WDR62: variants seen among roughly 807,000 people sequenced by gnomAD.
The protein encoded by WDR62 is WD repeat domain 62.
WDR62 carries 112 observed loss-of-function variants against 160.6 expected under a neutral mutation model. The ratio of observed to expected loss-of-function variants is 0.70; its 90% confidence interval spans 0.60 to 0.82. The LOEUF is 0.82. Among genes scored for constraint, WDR62 ranks in the 40% least tolerant of loss-of-function variants. WDR62 has a pLI of 0.00. For synonymous variants in WDR62, 792 were observed against 815.1 expected (o/e 0.97, Z 0.48); for missense variants, 1,819 against 1,983.8 (o/e 0.92, Z 1.58).
intron 12 of WDR62, among the ~76,000 whole-genome samples, chr19:36,086,178 C>G (rs566384170): frequency 6.6e-6 from 1 of 152,078 alleles, no homozygotes; most frequent in African/African-American, 2.4e-5. Context: ...TCCTGATCTC[C>G]CCTCTGCCTC....
At chr19:36,086,951 G>C in intron 13 of WDR62, 139 bp downstream of exon 13, 2 of 1,318,108 alleles carry the variant, frequency 1.5e-6, no homozygotes, top group Non-Finnish European at 2.1e-6. Context: ...ATAATGACTG[G>C]GGCCGGGTGT....
At chr19:36,069,410 C>T (rs1383763338) in intron 7 of WDR62, among the ~76,000 whole-genome samples, 4 of 150,688 alleles carry the variant, frequency 2.7e-5, no homozygotes, top group South Asian at 2.1e-4. Context: ...GGGGCAGAGG[C>T]GCTCCCCGCA....
the WDR62 span, among the ~76,000 whole-genome samples, chr19:36,110,306 A>G: frequency 6.6e-6 from 1 of 151,952 alleles, no homozygotes; most frequent in Admixed American, 6.6e-5. Flanking sequence ...CTCTGTCTCT[A>G]CCAAAAATAC....
chr19:36,096,714 AAAAG>A (rs890526791), intron 20 of WDR62, among the ~76,000 whole-genome samples: 5 of 151,570 alleles, frequency 3.3e-5, no homozygotes, highest in Admixed American at 1.3e-4. Flanking sequence ...CCGTCTCAAA[AAAAG>A]AAAAAAAAAG....
At position 36,065,971 on chromosome 19, in the gene WDR62, G is replaced by A. The variant is rs1409711656; in HGVS notation, c.346G>A (p.Ala116Thr). The A allele has an allele frequency of 1.2e-6, 2 of 1,614,194 alleles. No homozygotes were observed. The highest frequency in any genetic ancestry group is 3.3e-5 in the Admixed American group (2 of 60,022). Reference protein sequence around the residue: ...IFNTARKSLSALAFSPDGKYI... With the variant: ...IFNTARKSLSTLAFSPDGKYI... ...CTTTATCCCCAGGAAGTCTCTCAGTGCTCTGGCCTTCTCCCCTGATGGGAA... is the reference window on the plus strand; with the variant it reads ...CTTTATCCCCAGGAAGTCTCTCAGTACTCTGGCCTTCTCCCCTGATGGGAA... The change falls in exon 4 of 32, where the codon GCT (alanine) becomes ACT (threonine). Residue 116 changes from alanine (A) to threonine (T), a missense_variant. Transcript: ENST00000401500.
Position 36,101,266 on chromosome 19 carries a change from T to TA in WDR62, c.2920_2921insA (p.Ser974TyrfsTer17). ...CGGGCCTGGAGACCAGCAGGGCGAC[T>TA]CCTACCTCAGGGTGTCCTCCGACAG... On this transcript the variant is annotated frameshift_variant, in exon 24 of 32. Transcript: ENST00000401500. LOFTEE classifies it high-confidence loss of function. 1 of 1,613,144 alleles carries TA rather than the reference T, an allele frequency of 6.2e-7. No homozygotes were observed. The highest frequency in any genetic ancestry group is 1.3e-5 in the African/African-American group (1 of 75,028).
chr19:36,096,931 G>T, intron 20 of WDR62, 96 bp from the exon 21 acceptor site: 1 of 1,116,356 alleles, frequency 9.0e-7, no homozygotes, highest in Admixed American at 2.0e-5. Context: ...CTGACTTCTG[G>T]GTTGTGGTGT....
chr19:36,091,563 A>G (rs1462061755), intron 18 of WDR62, 98 bp downstream of exon 18: 3 of 1,228,558 alleles, frequency 2.4e-6, no homozygotes, highest in African/African-American at 1.5e-5. Flanking sequence ...CCCAGTTTGG[A>G]TTGTGGGAGT....
Position 36,099,413 on chromosome 19 carries a change from T to C in WDR62, c.2535T>C (p.Asp845=). ...LWAKRLLGDD[D]VADGLAFHAK... ...TATCCTTCAAGCTAGGGGACGATGA[T>C]GTGGCAGATGGCTTGGCCTTCCACG... is the stretch of plus-strand genomic sequence containing the variant. The change falls in exon 22 of 32, where the codon GAT becomes GAC. Residue 845 remains aspartate, a synonymous_variant. Transcript: ENST00000401500. The C allele has an allele frequency of 6.2e-7, 1 of 1,613,626 alleles. No individual in the cohort carries two copies.
intron 13 of WDR62, among the ~76,000 whole-genome samples, chr19:36,087,736 T>C (rs994870556): frequency 1.3e-5 from 2 of 151,974 alleles, no homozygotes; most frequent in African/African-American, 4.8e-5. Context: ...GGAGAATAGC[T>C]TGAATCCAGG....
At chr19:36,084,496 G>T (rs1281645441) in intron 11 of WDR62, among the ~76,000 whole-genome samples, 157 bp from the exon 12 acceptor site, 1 of 152,160 alleles carries the variant, frequency 6.6e-6, no homozygotes, top group Non-Finnish European at 1.5e-5. Flanking sequence ...ACGATGGCAG[G>T]TTTCTAAATG....
intron 6 of WDR62, 137 bp from the exon 7 acceptor site, chr19:36,067,691 C>T: frequency 1.8e-6 from 2 of 1,111,800 alleles, no homozygotes; most frequent in South Asian, 1.3e-5. Context: ...TCCAGAGTGG[C>T]AGGGTTCTAG....
chr19:36,101,220 T>G lies in WDR62; in HGVS notation c.2874T>G (p.Tyr958Ter). The G allele has an allele frequency of 1.2e-6, 2 of 1,612,374 alleles. No homozygotes were observed. Among genetic ancestry groups the G allele is most frequent in the Non-Finnish European group, 8.5e-7 (1 of 1,179,540 alleles). The stretch of plus-strand genomic sequence containing the variant: ...GCCCCCACTGGCACTGCAGCCAGTA[T>G]TGCAGGAAGGAGGTGGAGGCCGGGC... Reference protein sequence around the residue: ...EVTVTGTDSQYCRKEVEAGPG... With the variant: ...EVTVTGTDSQ Residue 958 changes from tyrosine to a stop codon, truncating the protein, a stop_gained, in exon 24 of 32, where the codon TAT (tyrosine) becomes TAG (stop). Transcript: ENST00000401500. LOFTEE classifies it high-confidence loss of function.
rs1973438341 is a variant in WDR62, at chr19:36,102,654, G to A, written c.3221-83G>A. On this transcript the variant is annotated intron_variant, in intron 26 of 31. Transcript: ENST00000401500. Reference sequence around the variant, plus strand: ...CTGTACATAAGGGTTTCTGGGGAGTGCCCCGCTGGGCTGTGGGCTGGCCTA... The same window carrying A: ...CTGTACATAAGGGTTTCTGGGGAGTACCCCGCTGGGCTGTGGGCTGGCCTA... The A allele has an allele frequency of 4.9e-6, 6 of 1,215,712 alleles. No individual in the cohort carries two copies. In the Admixed American group the frequency reaches 1.1e-4, roughly 22 times the overall value. 75.3% of individuals were successfully genotyped at this position (1,215,712 alleles called of 1,614,324 possible). A position where few individuals can be genotyped will look rare whatever the true frequency, so the allele number is the denominator to read the frequency against.
intron 25 of WDR62, 44 bp from the exon 26 acceptor site, chr19:36,101,968 ACT>A (rs1233064752): frequency 1.2e-6 from 2 of 1,613,214 alleles, no homozygotes; most frequent in Admixed American, 3.3e-5. Flanking sequence ...GTCTGCTGTG[ACT>A]CATGGTGTTG....
chr19:36,105,134 A>C, downstream of WDR62: 4 of 1,422,940 alleles, frequency 2.8e-6, no homozygotes, highest in Non-Finnish European at 3.8e-6. Flanking sequence ...GTTTGGGCCT[A>C]TCCACAAAGC....
chr19:36,101,892 C>T, intron 25 of WDR62, 118 bp downstream of exon 25: 1 of 1,554,796 alleles, frequency 6.4e-7, no homozygotes, highest in Non-Finnish European at 8.8e-7. Context: ...ACGGGGATCC[C>T]TGCTTCTCAG....
chr19:36,092,830 T>G lies in WDR62; in HGVS notation c.2333+19T>G. 6.2e-7 allele frequency: 1 copy of G among 1,613,680 alleles called. No individual in the cohort carries two copies. The highest frequency in any genetic ancestry group is 8.5e-7 in the Non-Finnish European group (1 of 1,179,842). On this transcript the variant is annotated intron_variant, in intron 19 of 31. Transcript: ENST00000401500. ...ACCCCAGGTCCTGGCAGCCCCTGCCTGTCCACCAGAGGGATGAGTCCCTGC... is the reference window on the plus strand; with the variant it reads ...ACCCCAGGTCCTGGCAGCCCCTGCCGGTCCACCAGAGGGATGAGTCCCTGC...
chr19:36,081,360 TCCA>T lies in WDR62; in HGVS notation c.1234-72_1234-70del. On this transcript the variant is annotated intron_variant, in intron 9 of 31. Transcript: ENST00000401500. ...TTATCTTTAACTTACTTTTTTTTTT[TCCA>T]TGAAAATGCAACAGTAAGTCATAGT... 5.7e-6 allele frequency: 9 copies of T among 1,568,422 alleles called. No homozygotes were observed. The Admixed American group carries it at 1.2e-4, about 21-fold the overall frequency.
Sources: allele counts gnomAD v4.1 joint callset (sites outside exome capture counted in the v4.1 genomes callset), GRCh38; gene constraint gnomAD v4.1.1; transcripts MANE v1.5; gene names NCBI Gene and HGNC (gene_info 2026-07-23, HGNC 2026-07-21).